The following DLGAP2 variants were observed in gnomAD, a reference collection of about 807,000 sequenced individuals.
DLGAP2 encodes the protein disks large-associated protein 2.
DLGAP2 carries 26 observed loss-of-function variants against 100.3 expected under a neutral mutation model. That is an observed-to-expected ratio of 0.26 (90% CI 0.19 to 0.36). DLGAP2 has a LOEUF of 0.36. DLGAP2 is among the 10% of genes least tolerant of loss of function. The probability of loss-of-function intolerance (pLI) is 1.00; values close to 1 mark genes in which losing one functional copy is unlikely to be tolerated. For missense variants in DLGAP2, 1,858 were observed against 1,453.2 expected, an observed-to-expected ratio of 1.28 and a Z score of -4.53; for synonymous variants, 886 against 630.1, an observed-to-expected ratio of 1.41 and a Z score of -6.08.
At chr8:1,413,055 C>T (rs1303203970) in intron 3 of DLGAP2, among the ~76,000 whole-genome samples, 3 of 152,128 alleles carry the variant, frequency 2.0e-5, no homozygotes, top group African/African-American at 7.2e-5. Flanking sequence ...AAGAGGGCTT[C>T]CTCTTCTTGA....
At chr8:1,419,981 C>A (rs1797044033) in intron 3 of DLGAP2, among the ~76,000 whole-genome samples, 1 of 152,182 alleles carries the variant, frequency 6.6e-6, no homozygotes, top group South Asian at 2.1e-4. Flanking sequence ...ACACAGTGGA[C>A]TACAGTTCAG....
chr8:1,566,499 G>A (rs532070231), intron 6 of DLGAP2, among the ~76,000 whole-genome samples: 27 of 152,248 alleles, frequency 1.8e-4, no homozygotes, highest in African/African-American at 6.0e-4. Flanking sequence ...CAACAGCCAC[G>A]CTGCTGTGTA....
At chr8:1,250,970 A>G (rs759753043) in intron 2 of DLGAP2, among the ~76,000 whole-genome samples, 1 of 152,218 alleles carries the variant, frequency 6.6e-6, no homozygotes, top group Non-Finnish European at 1.5e-5. Context: ...GGTACGTGGC[A>G]CAGTGGTGAA....
At chr8:1,072,533 C>T (rs540966066) in intron 2 of DLGAP2, among the ~76,000 whole-genome samples, 11 of 152,220 alleles carry the variant, frequency 7.2e-5, no homozygotes, top group African/African-American at 1.4e-4. Context: ...CGTTTCTCCC[C>T]GCGGTAGTGC....
At chr8:963,433 C>T (rs1454756172) in intron 2 of DLGAP2, among the ~76,000 whole-genome samples, 1 of 152,114 alleles carries the variant, frequency 6.6e-6, no homozygotes, top group African/African-American at 2.4e-5. Context: ...TATTTAATTA[C>T]CAGTCTTCTC....
intron 6 of DLGAP2, among the ~76,000 whole-genome samples, chr8:1,584,235 T>C (rs764457488): frequency 3.3e-5 from 5 of 152,182 alleles, no homozygotes; most frequent in Non-Finnish European, 5.9e-5. Flanking sequence ...AATGAACTGC[T>C]ATTAGCGACG....
chr8:935,563 G>A (rs908355261), intron 2 of DLGAP2, among the ~76,000 whole-genome samples: 1 of 152,178 alleles, frequency 6.6e-6, no homozygotes, highest in African/African-American at 2.4e-5. Context: ...TGGCACATGT[G>A]CTCACACTGT....
chr8:932,666 G>T (rs1798984887), intron 2 of DLGAP2, among the ~76,000 whole-genome samples: 1 of 152,162 alleles, frequency 6.6e-6, no homozygotes, highest in Admixed American at 6.5e-5. Context: ...GTAGTCTCAT[G>T]TGGCTCTGAA....
intron 3 of DLGAP2, among the ~76,000 whole-genome samples, chr8:1,437,939 T>C (rs1236840192): frequency 2.6e-5 from 4 of 151,716 alleles, no homozygotes; most frequent in African/African-American, 7.3e-5. Context: ...TGAACCGAGA[T>C]TGCACCACTG....
At chr8:1,196,324 A>G (rs1299148356) in intron 2 of DLGAP2, among the ~76,000 whole-genome samples, 1 of 152,242 alleles carries the variant, frequency 6.6e-6, no homozygotes, top group Non-Finnish European at 1.5e-5. Context: ...CCCAAGCACC[A>G]TGAAATTCTC....
At chr8:1,171,045 A>G (rs1463302513) in intron 2 of DLGAP2, among the ~76,000 whole-genome samples, 1 of 151,258 alleles carries the variant, frequency 6.6e-6, no homozygotes, top group Non-Finnish European at 1.5e-5. Context: ...CCCTCTACAC[A>G]CTGCTTTGAA....
intron 3 of DLGAP2, among the ~76,000 whole-genome samples, chr8:1,319,606 T>G (rs948580736): frequency 6.6e-6 from 1 of 152,162 alleles, no homozygotes; most frequent in Non-Finnish European, 1.5e-5. Context: ...TTGCTGGACG[T>G]CCATCAGCTG....
intron 3 of DLGAP2, among the ~76,000 whole-genome samples, chr8:1,437,912 G>A (rs1220680036): frequency 6.6e-6 from 1 of 151,690 alleles, no homozygotes. Context: ...CTTGAACCCT[G>A]GAGATGGAGG....
chr8:1,507,790 T>TCCC (rs1389071205), intron 4 of DLGAP2, among the ~76,000 whole-genome samples: 1 of 150,718 alleles, frequency 6.6e-6, no homozygotes, highest in African/African-American at 2.5e-5. Flanking sequence ...CGACCCTCCT[T>TCCC]CACCCACCAC....
intron 2 of DLGAP2, among the ~76,000 whole-genome samples, chr8:1,005,334 C>T (rs898834373): frequency 5.9e-5 from 9 of 151,760 alleles, no homozygotes; most frequent in East Asian, 1.9e-4. Flanking sequence ...AAGGGAGCCG[C>T]GTCCTTAGCA....
intron 3 of DLGAP2, among the ~76,000 whole-genome samples, chr8:1,408,776 A>C (rs1028169038): frequency 2.0e-5 from 3 of 152,160 alleles, no homozygotes; most frequent in Admixed American, 2.0e-4. Flanking sequence ...TGGCAGCTCT[A>C]CCACCAAGAG....
chr8:1,411,112 C>T (rs1173529845), intron 3 of DLGAP2, among the ~76,000 whole-genome samples: 1 of 152,090 alleles, frequency 6.6e-6, no homozygotes, highest in Non-Finnish European at 1.5e-5. Flanking sequence ...GGTATTCAGT[C>T]GTGGTCTCTT....
At chr8:1,115,859 C>T (rs185363400) in intron 2 of DLGAP2, among the ~76,000 whole-genome samples, 175 of 152,330 alleles carry the variant, frequency 1.1e-3, no homozygotes, top group African/African-American at 4.1e-3. Context: ...TTTATCCCTG[C>T]CACACACAGG....
intron 3 of DLGAP2, among the ~76,000 whole-genome samples, chr8:1,306,827 A>G (rs1800503124): frequency 6.6e-6 from 1 of 152,232 alleles, no homozygotes; most frequent in South Asian, 2.1e-4. Flanking sequence ...TTTATGTTAG[A>G]GAAACTGGAT....
Sources: gnomAD v4.1 joint callset for allele counts (sites outside exome capture counted in the v4.1 genomes callset) on GRCh38, gnomAD v4.1.1 for gene constraint, MANE v1.5 for transcripts, NCBI Gene and HGNC (gene_info 2026-07-23, HGNC 2026-07-21) for gene names.